The following POP1 variants were observed in gnomAD, a reference collection of about 807,000 sequenced individuals.
POP1 encodes the protein ribonucleases P/MRP protein subunit POP1.
Under a neutral mutation model 102.2 loss-of-function variants are expected in POP1, and 75 were observed. The ratio of observed to expected loss-of-function variants is 0.73; its 90% CI spans 0.61 to 0.89. The LOEUF is 0.89. Ranked by LOEUF, POP1 falls within the 40% of genes least tolerant of loss-of-function variation. POP1 has a pLI of 0.00. For synonymous variants in POP1, 436 were observed against 464.1 expected (o/e 0.94, Z 0.78); for missense variants, 1,116 against 1,267.4 (o/e 0.88, Z 1.81).
At chr8:98,157,587 C>A (rs773290665) in intron 15 of POP1, 30 bp from the exon 16 acceptor site, 1 of 1,612,576 alleles carries the variant, frequency 6.2e-7, no homozygotes, top group South Asian at 1.1e-5. Context: ...AACAAAATAT[C>A]CTCAAACGTA....
chr8:98,131,175 G>A (rs1008315618), intron 5 of POP1, among the ~76,000 whole-genome samples: 1 of 152,168 alleles, frequency 6.6e-6, no homozygotes, highest in Admixed American at 6.5e-5. Flanking sequence ...CATTAAGTAC[G>A]TTTACGTTGT....
At chr8:98,134,308 A>G (rs1816467139) in intron 6 of POP1, among the ~76,000 whole-genome samples, 164 bp from the exon 7 acceptor site, 1 of 152,230 alleles carries the variant, frequency 6.6e-6, no homozygotes, top group African/African-American at 2.4e-5. Flanking sequence ...TTTAACACAT[A>G]TTTGTTGAGA....
rs1169492285 is a variant in POP1 at position 98,140,177 on chromosome 8, G to A, written c.1462G>A (p.Glu488Lys). ...TCATTGCAGACAAGAAGCCATTTTCGAGTTGTTGGGAGGTATACAAAGGGA... is the reference window on the plus strand; with the variant it reads ...TCATTGCAGACAAGAAGCCATTTTCAAGTTGTTGGGAGGTATACAAAGGGA... ...SLHCRQEAIF[E>K]LLGGITSPAE... Residue 488 changes from glutamate to lysine, a missense_variant, in exon 10 of 16, where the codon GAG (glutamate) becomes AAG (lysine). Physicochemically the swap from Glu to Lys is moderately conservative, Grantham distance 56. Coordinates refer to ENST00000401707, the MANE Select transcript of POP1 (RefSeq NM_001145860.2). The A allele has an allele frequency of 1.2e-6, 2 of 1,613,766 alleles. No homozygotes were observed. The highest frequency in any genetic ancestry group is 2.2e-5 in the East Asian group (1 of 44,898).
intron 1 of POP1, among the ~76,000 whole-genome samples, chr8:98,119,823 C>T (rs186935843): frequency 1.3e-5 from 2 of 152,342 alleles, no homozygotes; most frequent in East Asian, 3.9e-4. Context: ...ATCCTCCCGC[C>T]TTGGCCTCCC....
In POP1 at chr8:98,156,138, G is replaced by T. The variant is rs977193923; in HGVS notation, c.2146G>T (p.Glu716Ter). ...CTGGGAGCAGTTAACTCAAGACTGG[G>T]AGTCAAGAGTCCAGGCTTACGAAGA... ...CPWEQLTQDWESRVQAYEEPS... is the reference protein window; with the variant it reads ...CPWEQLTQDW Residue 716 changes from glutamate to a stop codon, truncating the protein, a stop_gained, in exon 15 of 16, where the codon GAG (glutamate) becomes TAG (stop). Coordinates refer to ENST00000401707, the MANE Select transcript of POP1 (RefSeq NM_001145860.2). LOFTEE classifies it high-confidence loss of function. 2 of 1,614,036 alleles carry T rather than the reference G, an allele frequency of 1.2e-6. No individual in the cohort carries two copies. Among genetic ancestry groups the T allele is most frequent in the East Asian group, 4.5e-5 (2 of 44,882 alleles).
chr8:98,151,087 TG>T (rs372052528), intron 14 of POP1, among the ~76,000 whole-genome samples: 6,333 of 150,242 alleles, frequency 0.042, 174 homozygotes, highest in Middle Eastern at 0.17. Context: ...AAGTACTGTT[TG>T]TTTGTTTGTT....
chr8:98,136,805 T>G, intron 8 of POP1, 56 bp from the exon 9 acceptor site: 5 of 1,607,582 alleles, frequency 3.1e-6, no homozygotes, highest in Non-Finnish European at 4.3e-6. Context: ...TTTTTGTCAG[T>G]GGCACAGATG....
At position 98,140,821 on chromosome 8, in the gene POP1, T is replaced by G; in HGVS notation, c.1527T>G (p.Val509=). 2 of 1,613,974 alleles carry G rather than the reference T, an allele frequency of 1.2e-6. No homozygotes were observed. The highest frequency in any genetic ancestry group is 2.2e-5 in the South Asian group (2 of 91,072). Residue 509 remains valine, a synonymous_variant, in exon 11 of 16, where the codon GTT becomes GTG. Coordinates refer to ENST00000401707, the MANE Select transcript of POP1 (RefSeq NM_001145860.2). ...CAGGTACTATTCTGGGACTGACAGT[T>G]GGGGATCCTCGAATAAATTTGCCCC... ...IPAGTILGLT[V]GDPRINLPQK...
chr8:98,139,384 TG>T (rs1278285793), intron 9 of POP1, among the ~76,000 whole-genome samples: 2 of 152,186 alleles, frequency 1.3e-5, no homozygotes, highest in African/African-American at 4.8e-5. Context: ...TTTCCTTTGG[TG>T]AGGAACATTT....
At chr8:98,124,131 A>G (rs868506064) in intron 2 of POP1, among the ~76,000 whole-genome samples, 6 of 152,140 alleles carry the variant, frequency 3.9e-5, no homozygotes, top group Middle Eastern at 3.2e-3. Flanking sequence ...CAGTGCAGGA[A>G]GCTCCAGCTC....
Position 98,157,866 on chromosome 8 carries a change from G to T in POP1, c.2670G>T (p.Trp890Cys). 1 of 1,614,168 alleles carries T rather than the reference G, an allele frequency of 6.2e-7. No individual in the cohort carries two copies. The highest frequency in any genetic ancestry group is 8.5e-7 in the Non-Finnish European group (1 of 1,179,990). The change falls in exon 16 of 16, where the codon TGG (tryptophan) becomes TGT (cysteine). Residue 890 changes from tryptophan to cysteine, a missense_variant. Transcript: ENST00000401707. Reference protein sequence around the residue: ...KEDFLQLHEDWHYCGPQESKH... With the variant: ...KEDFLQLHEDCHYCGPQESKH... ...ACTTCCTCCAGCTCCATGAGGACTG[G>T]CATTACTGTGGGCCCCAGGAATCCA...
chr8:98,121,519 T>G (rs1028676758), intron 1 of POP1, among the ~76,000 whole-genome samples: 2 of 149,102 alleles, frequency 1.3e-5, no homozygotes, highest in Non-Finnish European at 1.5e-5. Flanking sequence ...CGGGTTTTTT[T>G]TTTTTTTTTT....
At chr8:98,151,740 C>CTTTTTTTTTTTTTTTT (rs755019200) in intron 14 of POP1, among the ~76,000 whole-genome samples, 1 of 112,930 alleles carries the variant, frequency 8.9e-6, no homozygotes, top group African/African-American at 3.6e-5. Context: ...GCCTGGCTTG[C>CTTTTTTTTTTTTTTTT]TTTTTTTTTT....
chr8:98,143,566 A>G (rs1364888755), intron 11 of POP1, among the ~76,000 whole-genome samples: 2 of 151,784 alleles, frequency 1.3e-5, no homozygotes, highest in African/African-American at 4.9e-5. Flanking sequence ...TTGGTGATAT[A>G]TATACTCTAA....
chr8:98,157,416 T>C (rs1018617239), intron 15 of POP1, among the ~76,000 whole-genome samples: 2 of 152,186 alleles, frequency 1.3e-5, no homozygotes, highest in African/African-American at 4.8e-5. Flanking sequence ...AGTCCCTGAG[T>C]TTCAGAATGG....
Position 98,127,632 on chromosome 8 carries a change from A to T in POP1, c.180A>T (p.Arg60Ser). Reference sequence around the variant, plus strand: ...GAACTTCACGACAGCGGCAAACCAGAGTCAACCCCCATTCTCTGCCTGACC... The same window carrying T: ...GAACTTCACGACAGCGGCAAACCAGTGTCAACCCCCATTCTCTGCCTGACC... ...HPGTSRQRQT[R>S]VNPHSLPDPE... The change falls in exon 3 of 16, where the codon AGA (arginine) becomes AGT (serine). Residue 60 changes from arginine (R) to serine (S), a missense_variant. Transcript: ENST00000401707. 1 of 1,614,194 alleles carries T rather than the reference A, an allele frequency of 6.2e-7. No individual in the cohort carries two copies. The highest frequency in any genetic ancestry group is 8.5e-7 in the Non-Finnish European group (1 of 1,180,038).
chr8:98,146,748 G>C, intron 12 of POP1, 65 bp downstream of exon 12: 1 of 1,245,688 alleles, frequency 8.0e-7, no homozygotes, highest in Non-Finnish European at 1.2e-6. Flanking sequence ...TCATTCTAGA[G>C]ACCATAAAAA....
intron 11 of POP1, among the ~76,000 whole-genome samples, chr8:98,142,654 A>G (rs1816740409): frequency 6.6e-6 from 1 of 152,204 alleles, no homozygotes; most frequent in Admixed American, 6.5e-5. Context: ...TCTGTGAGAG[A>G]TCAATTTCCT....
At chr8:98,138,904 G>A (rs907254720) in intron 9 of POP1, among the ~76,000 whole-genome samples, 4 of 149,444 alleles carry the variant, frequency 2.7e-5, no homozygotes, top group Non-Finnish European at 5.9e-5. Flanking sequence ...CCAGGCTGGA[G>A]TGCAGTGGCA....
Sources: allele counts gnomAD v4.1 joint callset (sites outside exome capture counted in the v4.1 genomes callset), GRCh38; gene constraint gnomAD v4.1.1; transcripts MANE v1.5; gene names NCBI Gene and HGNC (gene_info 2026-07-23, HGNC 2026-07-21).